CADM1: variants seen among roughly 807,000 people sequenced by gnomAD.
The protein encoded by CADM1 is cell adhesion molecule 1.
Under a neutral mutation model 53.1 loss-of-function variants are expected in CADM1, and 15 were observed. That is an observed-to-expected ratio of 0.28 (90% CI 0.19 to 0.44). CADM1 has a LOEUF of 0.44. CADM1 is among the 20% of genes least tolerant of loss of function. The pLI is 1.00. For missense variants in CADM1, 434 were observed against 611.3 expected, an observed-to-expected ratio of 0.71 and a Z score of 3.06; for synonymous variants, 281 against 243.0, an observed-to-expected ratio of 1.16 and a Z score of -1.45.
rs994434793 is a variant in CADM1 at position 115,260,846 on chromosome 11, G to A, written c.125-20426C>T. On this transcript the variant is annotated intron_variant, in intron 1 of 11. Coordinates refer to ENST00000331581, the MANE Select transcript of CADM1 (RefSeq NM_001301043.2). ...TGCCACCACCCCCGGCTAATTTTTT[G>A]TATTTTTTTAGTGGAGACGGGGTTT... Among the ~76,000 whole-genome samples the A allele has an allele frequency of 1.2e-3, 179 of 146,658 alleles. 2 individuals are homozygous for A. Among genetic ancestry groups the A allele is most frequent in the African/African-American group, 4.4e-3 (169 of 38,818 alleles).
chr11:115,258,566 T>C (rs1942867389), intron 1 of CADM1, among the ~76,000 whole-genome samples: 1 of 152,232 alleles, frequency 6.6e-6, no homozygotes, highest in African/African-American at 2.4e-5. Context: ...TGTCTAAGAT[T>C]TGGGCCCTAT....
intron 1 of CADM1, chr11:115,377,083 C>G (rs1946457329): frequency 6.6e-6 from 1 of 152,128 alleles, no homozygotes; most frequent in African/African-American, 2.4e-5. Context: ...CAGGGACATA[C>G]AGGTAATTGC....
At chr11:115,240,706 G>A in intron 1 of CADM1, 1 of 417,766 alleles carries the variant, frequency 2.4e-6, no homozygotes, top group Admixed American at 3.6e-5. Flanking sequence ...ATATTGAGGA[G>A]GTATTGGAAA....
chr11:115,373,583 C>CAAAAAAAAAAAAAAAAAAAAAAAA, intron 1 of CADM1, among the ~76,000 whole-genome samples: 1 of 48,830 alleles, frequency 2.0e-5, no homozygotes, highest in Non-Finnish European at 3.6e-5. Flanking sequence ...GACTCTGTCT[C>CAAAAAAAAAAAAAAAAAAAAAAAA]AAAAAAAAAA....
chr11:115,369,669 C>T (rs1415344564), intron 1 of CADM1, among the ~76,000 whole-genome samples: 1 of 152,152 alleles, frequency 6.6e-6, no homozygotes, highest in East Asian at 1.9e-4. Flanking sequence ...GATTTGCAAT[C>T]ACCTAATATT....
intron 1 of CADM1, among the ~76,000 whole-genome samples, chr11:115,295,641 G>A (rs1308860538): frequency 1.4e-5 from 2 of 148,116 alleles, no homozygotes; most frequent in Non-Finnish European, 3.0e-5. Context: ...TCTACTTCCT[G>A]CTTTCTACTG....
chr11:115,338,892 ATTTT>A (rs10577568), intron 1 of CADM1, among the ~76,000 whole-genome samples: 6 of 132,742 alleles, frequency 4.5e-5, no homozygotes, highest in African/African-American at 1.7e-4. Context: ...TTTTTTTTTA[ATTTT>A]TTTTTTTTTT....
intron 1 of CADM1, among the ~76,000 whole-genome samples, chr11:115,350,544 T>C (rs1945705400): frequency 6.7e-6 from 1 of 149,386 alleles, no homozygotes; most frequent in African/African-American, 2.5e-5. Context: ...ACAACATATT[T>C]AGGTCATATA....
intron 3 of CADM1, 146 bp downstream of exon 3, chr11:115,238,354 G>C: frequency 1.1e-6 from 1 of 881,612 alleles, no homozygotes; most frequent in Non-Finnish European, 1.9e-6. Flanking sequence ...GGTAAAATAG[G>C]CTATTTTTAA....
chr11:115,238,709 TC>T (rs1182929005), intron 2 of CADM1, 57 bp from the exon 3 acceptor site: 12 of 1,561,514 alleles, frequency 7.7e-6, no homozygotes, highest in Non-Finnish European at 9.7e-6. Context: ...CAGTCTATTT[TC>T]CTTAATTATT....
At chr11:115,471,993 G>A (rs1283300292) in intron 1 of CADM1, among the ~76,000 whole-genome samples, 1 of 152,162 alleles carries the variant, frequency 6.6e-6, no homozygotes, top group Non-Finnish European at 1.5e-5. Flanking sequence ...ACTGCAAGGG[G>A]AAAGAGGAGC....
At chr11:115,223,973 A>AAGAG (rs1555043883) in intron 5 of CADM1, among the ~76,000 whole-genome samples, 7,854 of 92,456 alleles carry the variant, frequency 0.085, 936 homozygotes, top group African/African-American at 0.26. Context: ...AAAAAAAAAA[A>AAGAG]AGAGAGAGAG....
intron 1 of CADM1, among the ~76,000 whole-genome samples, chr11:115,449,098 C>A (rs1468860752): frequency 6.6e-6 from 1 of 152,072 alleles, no homozygotes; most frequent in African/African-American, 2.4e-5. Context: ...AAGAGCTAAC[C>A]CCCATCTTAA....
chr11:115,381,896 A>T (rs1303510426), intron 1 of CADM1, among the ~76,000 whole-genome samples: 2 of 152,104 alleles, frequency 1.3e-5, no homozygotes, highest in African/African-American at 2.4e-5. Flanking sequence ...CCCATGTTTG[A>T]GTGCAGTGGC....
At chr11:115,333,048 CT>C (rs1279938598) in intron 1 of CADM1, among the ~76,000 whole-genome samples, 2 of 152,152 alleles carry the variant, frequency 1.3e-5, no homozygotes, top group Non-Finnish European at 2.9e-5. Context: ...GCTTACTGGT[CT>C]TTTCTCCCTG....
chr11:115,332,456 C>T (rs1331034677), intron 1 of CADM1, among the ~76,000 whole-genome samples: 6 of 152,066 alleles, frequency 3.9e-5, no homozygotes, highest in African/African-American at 1.4e-4. Context: ...TTAGTAAAGC[C>T]ATCAAAAGGA....
intron 1 of CADM1, among the ~76,000 whole-genome samples, chr11:115,402,451 A>G (rs996041735): frequency 7.2e-5 from 11 of 152,162 alleles, no homozygotes; most frequent in African/African-American, 2.7e-4. Flanking sequence ...TGAACCCGGG[A>G]GGCGGAGGTT....
At chr11:115,216,490 A>G (rs1447345377) in intron 6 of CADM1, among the ~76,000 whole-genome samples, 5 of 152,180 alleles carry the variant, frequency 3.3e-5, no homozygotes, top group Non-Finnish European at 7.4e-5. Context: ...TTCTTACTCC[A>G]TTGGATTATT....
rs1227588613 is a variant in CADM1 at position 115,286,710 on chromosome 11, G to A, written c.125-46290C>T. Among the ~76,000 whole-genome samples the A allele has an allele frequency of 2.0e-5, 3 of 152,142 alleles. No homozygotes were observed. The East Asian group carries it at 5.8e-4, about 29-fold the overall frequency. On this transcript the variant is annotated intron_variant, in intron 1 of 11. Coordinates refer to ENST00000331581, the MANE Select transcript of CADM1 (RefSeq NM_001301043.2). ...ATTTGTTATGTTCTGCATAGGGCCT[G>A]TCTTTACAGAACTACCTCTCCCCCC...
Sources: allele counts gnomAD v4.1 joint callset (sites outside exome capture counted in the v4.1 genomes callset), GRCh38; gene constraint gnomAD v4.1.1; transcripts MANE v1.5; gene names NCBI Gene and HGNC (gene_info 2026-07-23, HGNC 2026-07-21).